Variants in WRN observed in about 807,000 individuals in gnomAD.
The protein encoded by WRN is WRN RecQ like helicase.
Under a neutral mutation model 180.7 loss-of-function variants are expected in WRN, and 149 were observed. The ratio of observed to expected loss-of-function variants is 0.82; its 90% confidence interval spans 0.72 to 0.94. The LOEUF (loss-of-function observed/expected upper bound fraction) is 0.94, where lower values mean the gene tolerates loss of function less well. WRN is among the 40% of genes least tolerant of loss of function. WRN has a pLI of 0.00. For missense variants in WRN, 1,661 were observed against 1,700.1 expected (o/e 0.98, Z 0.40); for synonymous variants, 548 against 568.9 (o/e 0.96, Z 0.52).
Position 31,091,814 on chromosome 8 carries a change from G to C in WRN, c.1830-16G>C, listed in dbSNP as rs764992880. ...ATGTGTACATGGTGCCAGAATATTT[G>C]TTTTTCTTCTTATAGAATGTCCAAC... On this transcript the variant is annotated splice_polypyrimidine_tract_variant and intron_variant, in intron 15 of 34. Transcript: ENST00000298139. 1.2e-6 allele frequency: 2 copies of C among 1,611,248 alleles called. No homozygotes were observed. The highest frequency in any genetic ancestry group is 1.7e-6 in the Non-Finnish European group (2 of 1,177,688).
chr8:31,141,614 G>A lies in WRN; in HGVS notation c.3138+14G>A. On this transcript the variant is annotated intron_variant, in intron 25 of 34. Coordinates refer to ENST00000298139, the MANE Select transcript of WRN (RefSeq NM_000553.6). ...CTTACGAAAAAGGTAAACGGTGTAG[G>A]AGTCTGCCTGTTTGACTTAATTTTG... 1 of 1,614,058 alleles carries A rather than the reference G, an allele frequency of 6.2e-7. No individual in the cohort carries two copies. Among genetic ancestry groups the A allele is most frequent in the Non-Finnish European group, 8.5e-7 (1 of 1,180,000 alleles).
rs115149402 is a variant in WRN, at chr8:31,051,287, A to T, written c.-76-7085A>T. Among the ~76,000 whole-genome samples the T allele has an allele frequency of 7.3e-3, 1,118 of 152,170 alleles. 16 individuals carry two copies. The highest frequency in any genetic ancestry group is 0.026 in the African/African-American group (1,078 of 41,522). On this transcript the variant is annotated intron_variant, in intron 1 of 34. Transcript: ENST00000298139. ...CTTGAGACTGGTGTTAAATTTGTCT[A>T]TTTTCTAGAAGATGACACTATTCTA...
chr8:31,078,340 A>T (rs141092324), intron 8 of WRN, among the ~76,000 whole-genome samples: 1 of 152,272 alleles, frequency 6.6e-6, no homozygotes, highest in African/African-American at 2.4e-5. Context: ...CCTCAGAACC[A>T]GGAGGGAACA....
chr8:31,141,344 A>C, intron 24 of WRN, 86 bp from the exon 25 acceptor site: 7 of 1,545,426 alleles, frequency 4.5e-6, no homozygotes, highest in Non-Finnish European at 5.3e-6. Flanking sequence ...GTGTAAATCC[A>C]AAGAATCAAT....
At chr8:31,088,989 A>C in intron 13 of WRN, 24 bp downstream of exon 13, 1 of 1,594,088 alleles carries the variant, frequency 6.3e-7, no homozygotes, top group Non-Finnish European at 8.6e-7. Context: ...CATTTAATCA[A>C]ATCACATATT....
chr8:31,155,247 G>GT (rs1803334826), intron 32 of WRN, among the ~76,000 whole-genome samples: 1 of 152,174 alleles, frequency 6.6e-6, no homozygotes, highest in Non-Finnish European at 1.5e-5. Context: ...CTGGAAATAT[G>GT]TTTTTAAAAA....
intron 33 of WRN, among the ~76,000 whole-genome samples, chr8:31,161,558 G>A (rs1225104588): frequency 6.6e-6 from 1 of 152,170 alleles, no homozygotes; most frequent in East Asian, 1.9e-4. Flanking sequence ...TTTTAAAAAA[G>A]CTGGGCATGG....
At chr8:31,168,937 A>T (rs574635645) in intron 34 of WRN, among the ~76,000 whole-genome samples, 2 of 152,194 alleles carry the variant, frequency 1.3e-5, no homozygotes, top group African/African-American at 4.8e-5. Context: ...CTTGGCATTG[A>T]TAATTCTGAT....
rs201982706 is a variant in WRN at position 31,100,856 on chromosome 8, G to A, written c.1989G>A (p.Thr663=). ...GTTTTTCTTTTTTTACAGGTATCAC[G>A]CTCATTGCTGTGGATGAGGCTCACT... ...LQQLEADIGI[T]LIAVDEAHCI... Residue 663 remains threonine, a synonymous_variant, in exon 18 of 35, where the codon ACG becomes ACA. Coordinates refer to ENST00000298139, the MANE Select transcript of WRN (RefSeq NM_000553.6). 9.2e-5 allele frequency: 148 copies of A among 1,613,026 alleles called. 1 individual carries two copies. The African/African-American group carries it at 9.6e-4, about 10-fold the overall frequency.
At chr8:31,113,205 CAAA>C (rs11420804) in intron 19 of WRN, among the ~76,000 whole-genome samples, 2 of 112,312 alleles carry the variant, frequency 1.8e-5, no homozygotes. Context: ...GGCCCCGTTT[CAAA>C]AAAAAAAAAA....
chr8:31,091,729 G>A, intron 15 of WRN, 101 bp from the exon 16 acceptor site: 2 of 1,167,408 alleles, frequency 1.7e-6, no homozygotes, highest in Non-Finnish European at 2.5e-6. Context: ...CAAAGAACAG[G>A]AATATAAATT....
rs1350215266 is a variant in WRN at position 31,154,630 on chromosome 8, C to T, written c.3694C>T (p.Leu1232Phe). ...FCQTNSVQTD[L>F]FSSTKPQEEQ... ...TACATTAAAAATTCTGTAGACAGAC[C>T]TCTTTTCAAGTACAAAACCTCAAGA... Residue 1232 changes from leucine to phenylalanine, a missense_variant, in exon 32 of 35, where the codon CTC becomes TTC. Transcript: ENST00000298139. 6.2e-7 allele frequency: 1 copy of T among 1,612,132 alleles called. No homozygotes were observed. Among genetic ancestry groups the T allele is most frequent in the African/African-American group, 1.3e-5 (1 of 74,842 alleles).
intron 7 of WRN, among the ~76,000 whole-genome samples, chr8:31,074,317 T>G (rs911560123): frequency 6.6e-6 from 1 of 152,140 alleles, no homozygotes; most frequent in African/African-American, 2.4e-5. Context: ...GCAGAAAATT[T>G]GAGAGAGTGA....
intron 34 of WRN, among the ~76,000 whole-genome samples, chr8:31,170,297 C>T (rs1372614222): frequency 6.6e-6 from 1 of 151,630 alleles, no homozygotes; most frequent in Non-Finnish European, 1.5e-5. Flanking sequence ...AGTACCCTCT[C>T]CTCCTATGTC....
intron 23 of WRN, among the ~76,000 whole-genome samples, chr8:31,125,437 A>G (rs1351713808): frequency 1.3e-5 from 2 of 149,790 alleles, no homozygotes; most frequent in African/African-American, 4.9e-5. Context: ...AGCAAAGAAT[A>G]TTATCAGGAT....
At chr8:31,166,303 CAGA>C (rs1803857747) in intron 33 of WRN, among the ~76,000 whole-genome samples, 1 of 152,002 alleles carries the variant, frequency 6.6e-6, no homozygotes, top group Non-Finnish European at 1.5e-5. Flanking sequence ...TGGAGCATTG[CAGA>C]AGAATGTGAT....
intron 1 of WRN, among the ~76,000 whole-genome samples, chr8:31,047,936 G>A (rs1294192293): frequency 3.3e-5 from 5 of 152,212 alleles, no homozygotes; most frequent in African/African-American, 1.2e-4. Context: ...TTTATGGGCA[G>A]TGTGGCTTCT....
At chr8:31,161,684 C>T (rs1803622532) in intron 33 of WRN, among the ~76,000 whole-genome samples, 1 of 151,780 alleles carries the variant, frequency 6.6e-6, no homozygotes, top group African/African-American at 2.4e-5. Flanking sequence ...ACTAAAAGTA[C>T]AAAAATTAGC....
chr8:31,166,599 AAATT>A (rs1803872572), intron 33 of WRN, among the ~76,000 whole-genome samples: 1 of 152,184 alleles, frequency 6.6e-6, no homozygotes. Flanking sequence ...CTATTTAAAT[AAATT>A]ATTTTTATAC....
Sources: gnomAD v4.1 joint callset for allele counts (sites outside exome capture counted in the v4.1 genomes callset) on GRCh38, gnomAD v4.1.1 for gene constraint, MANE v1.5 for transcripts, NCBI Gene and HGNC (gene_info 2026-07-23, HGNC 2026-07-21) for gene names.